PSG4: variants seen among roughly 807,000 people sequenced by gnomAD.
PSG4 encodes the protein pregnancy specific beta-1-glycoprotein 4.
PSG4 carries 61 observed loss-of-function variants against 44.3 expected under a neutral mutation model. That is an observed-to-expected ratio of 1.38 (90% CI 1.12 to 1.70). PSG4 has a LOEUF of 1.70. Ranked by LOEUF, PSG4 falls within the 40% of genes most tolerant of loss-of-function variation. PSG4 has a pLI of 0.00. For synonymous variants in PSG4, 248 were observed against 191.3 expected (o/e 1.30, Z -2.45); for missense variants, 677 against 511.7 (o/e 1.32, Z -3.12).
At chr19:43,205,103 C>CTTTTT (rs1967715178) in intron 1 of PSG4, among the ~76,000 whole-genome samples, 1 of 56,454 alleles carries the variant, frequency 1.8e-5, no homozygotes, top group Non-Finnish European at 3.3e-5. Context: ...TTCTTTTTTT[C>CTTTTT]CTTTTTTCTT....
At position 43,204,127 on chromosome 19, in the gene PSG4, A is replaced by G; in HGVS notation, c.189T>C (p.Ala63=). The G allele has an allele frequency of 6.3e-7, 1 of 1,587,602 alleles. No individual in the cohort carries two copies. Among genetic ancestry groups the G allele is most frequent in the Non-Finnish European group, 8.5e-7 (1 of 1,171,740 alleles). Residue 63 remains alanine, a synonymous_variant, in exon 2 of 6, where the codon GCT becomes GCC. Transcript: ENST00000405312. Reference sequence around the variant, plus strand: ...TTTGCCCTTTGTACCAAATGTAGCCAGCAAGATTCTGGGGCAAATTGTGGA... The same window carrying G: ...TTTGCCCTTTGTACCAAATGTAGCCGGCAAGATTCTGGGGCAAATTGTGGA... The part of the protein sequence containing the change: ...LLVHNLPQNL[A]GYIWYKGQMT...
Position 43,205,579 on chromosome 19 carries a change from A to G in PSG4, c.-43T>C, listed in dbSNP as rs770837783. 5 of 1,504,192 alleles carry G rather than the reference A, an allele frequency of 3.3e-6. No individual in the cohort carries two copies. The highest frequency in any genetic ancestry group is 1.8e-4 in the Middle Eastern group (1 of 5,688). The allele number at this position is 1,504,192 out of a possible 1,614,324, so 93.2% of individuals were successfully genotyped here. A position where few individuals can be genotyped will look rare whatever the true frequency, so the allele number is the denominator to read the frequency against. On this transcript the variant is annotated 5_prime_UTR_variant, in exon 1 of 6. Transcript: ENST00000405312. ...TGTTCTCCTCTGTGGAGATAAGCCT[A>G]GGATCCAGAAGCTTCCTGAGTACGG... is the stretch of plus-strand genomic sequence containing the variant.
chr19:43,203,902 G>A lies in PSG4; in HGVS notation c.414C>T (p.Phe138=), dbSNP rs754660653. 10 of 1,581,688 alleles carry A rather than the reference G, an allele frequency of 6.3e-6. 1 individual carries two copies. The highest frequency in any genetic ancestry group is 5.3e-5 in the East Asian group (2 of 37,508). The change falls in exon 2 of 6, where the codon TTC becomes TTT. Residue 138 remains phenylalanine, a synonymous_variant. Coordinates refer to ENST00000405312, the MANE Select transcript of PSG4 (RefSeq NM_002780.5). ...RDGTGGVTGH[F]TFTLHLETPK... The stretch of plus-strand genomic sequence containing the variant: ...ATCACTCACGGTGTAAGGTGAAGGT[G>A]AAATGTCCAGTTACTCCTCCAGTCC...
intron 1 of PSG4, 156 bp from the exon 2 acceptor site, chr19:43,204,407 G>A (rs1967665404): frequency 1.9e-6 from 2 of 1,043,984 alleles, no homozygotes; most frequent in South Asian, 3.5e-5. Context: ...GTGTATGTGT[G>A]TGTGTCCTAC....
Position 43,195,222 on chromosome 19 carries a change from T to G in PSG4, c.761A>C (p.Asn254Thr). 6.2e-7 allele frequency: 1 copy of G among 1,610,398 alleles called. No homozygotes were observed. The highest frequency in any genetic ancestry group is 1.1e-5 in the South Asian group (1 of 90,934). ...ACAGGTGAAGGTTAAGACATCCTTA[T>G]TCTCTCTGGGGTTTAAGTTGTTGAT... ...ITINNLNPRENKDVLTFTCEP... is the reference protein window; with the variant it reads ...ITINNLNPRETKDVLTFTCEP... Residue 254 changes from asparagine to threonine, a missense_variant, in exon 4 of 6, where the codon AAT becomes ACT. Asn to Thr is a moderately conservative substitution (Grantham distance 65, BLOSUM62 0). Transcript: ENST00000405312.
intron 4 of PSG4, 53 bp from the exon 5 acceptor site, chr19:43,194,647 T>A: frequency 6.4e-7 from 1 of 1,571,952 alleles, no homozygotes; most frequent in Non-Finnish European, 8.6e-7. Flanking sequence ...GAAGGGGATG[T>A]TCCTGGTCTC....
chr19:43,195,077 TC>T lies in PSG4; in HGVS notation c.905del (p.Arg302LysfsTer25), dbSNP rs1967179047. ...NRILILPNVTRNETGPYQCEI... is the reference protein window; with the variant it reads ...NRILILPNVTXNETGPYQCEI... ...CACATTGATAAGGTCCTGTTTCATT[TC>T]TCGTGACATTGGGTAGAATGAGGAT... On this transcript the variant is annotated frameshift_variant, in exon 4 of 6. Transcript: ENST00000405312. LOFTEE classifies it high-confidence loss of function. 1 of 1,611,272 alleles carries T rather than the reference TC, an allele frequency of 6.2e-7. No individual in the cohort carries two copies. Among genetic ancestry groups the T allele is most frequent in the Non-Finnish European group, 8.5e-7 (1 of 1,179,066 alleles).
rs1967335090 is a variant in PSG4, at chr19:43,198,136, A to T, written c.570T>A (p.Thr190=). The change falls in exon 3 of 6, where the codon ACT becomes ACA. Residue 190 remains threonine (T), a synonymous_variant. Coordinates refer to ENST00000405312, the MANE Select transcript of PSG4 (RefSeq NM_002780.5). ...TGGTTTTGGACAGCTGCAACCTGTG[A>T]GTCATAGGGAGGCTCTGACCATTCA... The part of the protein sequence containing the change: ...WWMNGQSLPM[T]HRLQLSKTNR... The T allele has an allele frequency of 1.3e-6, 2 of 1,587,584 alleles. No individual in the cohort carries two copies. Among genetic ancestry groups the T allele is most frequent in the Non-Finnish European group, 1.7e-6 (2 of 1,171,912 alleles).
In PSG4 at chr19:43,197,999, A is replaced by G; in HGVS notation, c.707T>C (p.Leu236Pro). 6.3e-7 allele frequency: 1 copy of G among 1,587,748 alleles called. No homozygotes were observed. The change falls in exon 3 of 6, where the codon CTC (leucine) becomes CCC (proline). Residue 236 changes from leucine to proline, a missense_variant and splice_region_variant. Coordinates refer to ENST00000405312, the MANE Select transcript of PSG4 (RefSeq NM_002780.5). ...SRSDPVTLNLLPKLSKPYITI... is the reference protein window; with the variant it reads ...SRSDPVTLNLPPKLSKPYITI... The stretch of plus-strand genomic sequence containing the variant: ...ACAGAGGAACAGAGGATACTCACGG[A>G]GGAGATTCAGGGTGACTGGGTCACT...
intron 2 of PSG4, among the ~76,000 whole-genome samples, chr19:43,200,535 T>C (rs1967459777): frequency 6.9e-6 from 1 of 144,642 alleles, no homozygotes; most frequent in Admixed American, 6.9e-5. Flanking sequence ...CTCAGCTGTG[T>C]GCAGTCTACC....
At chr19:43,194,039 A>G (rs1967119654) in intron 5 of PSG4, 1 of 1,083,846 alleles carries the variant, frequency 9.2e-7, no homozygotes, top group Non-Finnish European at 1.3e-6. Flanking sequence ...AAACCATTTA[A>G]AGAATCAGCA....
intron 2 of PSG4, 158 bp downstream of exon 2, chr19:43,203,728 T>G (rs1159738867): frequency 2.3e-6 from 3 of 1,303,690 alleles, no homozygotes; most frequent in Non-Finnish European, 3.1e-6. Context: ...CTGTTGAAAT[T>G]TGTCTCCTCT....
intron 1 of PSG4, 152 bp from the exon 2 acceptor site, chr19:43,204,403 G>A: frequency 2.8e-6 from 3 of 1,064,388 alleles, no homozygotes; most frequent in Non-Finnish European, 1.3e-6. Context: ...GTGAGTGTAT[G>A]TGTGTGTGTC....
chr19:43,196,926 A>C (rs1418242066), intron 3 of PSG4: 2 of 146,196 alleles, frequency 1.4e-5, no homozygotes, highest in Non-Finnish European at 3.0e-5. Context: ...AACTTTGGGT[A>C]GTATTGTCTT....
intron 2 of PSG4, among the ~76,000 whole-genome samples, chr19:43,200,730 C>T (rs1249092319): frequency 1.4e-5 from 2 of 145,416 alleles, no homozygotes; most frequent in African/African-American, 2.6e-5. Context: ...CATCCGCCAC[C>T]AAGCCCGGCT....
intron 3 of PSG4, among the ~76,000 whole-genome samples, chr19:43,195,860 T>C (rs1050280833): frequency 2.7e-5 from 4 of 149,780 alleles, no homozygotes; most frequent in African/African-American, 9.9e-5. Context: ...AGGCAGAAAG[T>C]GGGGCAGTGT....
At chr19:43,195,572 C>A in intron 3 of PSG4, among the ~76,000 whole-genome samples, 1 of 151,350 alleles carries the variant, frequency 6.6e-6, no homozygotes, top group Non-Finnish European at 1.5e-5. Context: ...CCAGTCCCTC[C>A]CTAATCAGTT....
At chr19:43,197,580 G>A (rs1967305232) in intron 3 of PSG4, among the ~76,000 whole-genome samples, 1 of 137,332 alleles carries the variant, frequency 7.3e-6, no homozygotes, top group Non-Finnish European at 1.5e-5. Flanking sequence ...AAGAAATGGT[G>A]GGGGCATCCA....
At position 43,199,033 on chromosome 19, in the gene PSG4, G is replaced by C. The variant is rs550334920; in HGVS notation, c.431-758C>G. The C allele has an allele frequency of 1.4e-5, 2 of 146,644 alleles. 1 individual carries two copies. Among genetic ancestry groups the C allele is most frequent in the African/African-American group, 5.2e-5 (2 of 38,518 alleles). 9.1% of individuals were successfully genotyped at this position (146,644 alleles called of 1,614,324 possible). On this transcript the variant is annotated intron_variant, in intron 2 of 5. Transcript: ENST00000405312. ...CATGATGCTCGCTTCCCCCTGTAGA[G>C]GGCAGGTGAGGACCATGTGGATCTT...
Sources: gnomAD v4.1 joint callset for allele counts (sites outside exome capture counted in the v4.1 genomes callset) on GRCh38, gnomAD v4.1.1 for gene constraint, MANE v1.5 for transcripts, NCBI Gene and HGNC (gene_info 2026-07-23, HGNC 2026-07-21) for gene names.